The following REXO4 variants were observed in gnomAD, a reference collection of about 807,000 sequenced individuals.
REXO4 encodes RNA exonuclease 4, also known as REX4 homolog, 3'-5' exonuclease.
Under a neutral mutation model 39.9 loss-of-function variants are expected in REXO4, and 29 were observed. The ratio of observed to expected loss-of-function variants is 0.73; its 90% CI spans 0.54 to 0.99. REXO4 has a LOEUF of 0.99. Among genes scored for constraint, REXO4 ranks in the 50% least tolerant of loss-of-function variants. The pLI, the probability that REXO4 is intolerant of heterozygous loss-of-function variation, is 0.00. For synonymous variants in REXO4, 184 were observed against 206.2 expected (o/e 0.89, Z 0.92); for missense variants, 524 against 546.5 (o/e 0.96, Z 0.41).
chr9:133,408,934 T>TTG (rs71503345), intron 5 of REXO4, 92 bp from the exon 6 acceptor site: 11,946 of 317,468 alleles, frequency 0.038, 371 homozygotes, highest in African/African-American at 0.08. Flanking sequence ...AGTAACATCT[T>TTG]TGTGTGTGTG....
At chr9:133,407,722 CCATGTCTGTGTCAGGTGACT>C in intron 7 of REXO4, 65 bp downstream of exon 7, 2 of 1,042,718 alleles carry the variant, frequency 1.9e-6, no homozygotes. Context: ...CCCACCTCCC[CCATGTCTGTGTCAGGTGACT>C]CATGTCTGGT....
chr9:133,409,715 C>T (rs1187818235), intron 5 of REXO4, among the ~76,000 whole-genome samples: 1 of 152,156 alleles, frequency 6.6e-6, no homozygotes, highest in Non-Finnish European at 1.5e-5. Context: ...GCACACGCCA[C>T]CACACCTGGC....
At chr9:133,415,279 C>CT (rs748276629) in intron 1 of REXO4, among the ~76,000 whole-genome samples, 41 of 152,310 alleles carry the variant, frequency 2.7e-4, no homozygotes, top group Admixed American at 5.9e-4. Context: ...AAATGTCAAA[C>CT]TCATTCTACA....
At chr9:133,412,537 A>G in intron 3 of REXO4, 45 bp from the exon 4 acceptor site, 1 of 1,600,788 alleles carries the variant, frequency 6.2e-7, no homozygotes, top group Non-Finnish European at 8.5e-7. Context: ...ACGGCAGGCC[A>G]CAGGGCTCCA....
intron 2 of REXO4, chr9:133,414,293 T>G: frequency 4.7e-6 from 2 of 429,196 alleles, no homozygotes; most frequent in Non-Finnish European, 9.1e-6. Context: ...CCTCACAATC[T>G]CCTTATGATG....
rs1838874859 is a variant in REXO4 at position 133,406,341 on chromosome 9, C to T, written c.*612G>A. 1 of 152,878 alleles carries T rather than the reference C, an allele frequency of 6.5e-6. No individual in the cohort carries two copies. The highest frequency in any genetic ancestry group is 6.5e-5 in the Admixed American group (1 of 15,436). 9.5% of individuals were successfully genotyped at this position (152,878 alleles called of 1,614,324 possible). On this transcript the variant is annotated 3_prime_UTR_variant, in exon 8 of 8. Transcript: ENST00000371942. ...AGTCACCGTGCCCAGGCAACACATC[C>T]TCGTGCTATGGGGAGAAGCCTCTGC...
In REXO4 at chr9:133,406,652, G is replaced by T; in HGVS notation, c.*301C>A. On this transcript the variant is annotated 3_prime_UTR_variant, in exon 8 of 8. Transcript: ENST00000371942. ...GCACCGTATGGACTGGCGGCCCACAGGCCCCAACCTCACCTGGCCCAGGGG... is the reference window on the plus strand; with the variant it reads ...GCACCGTATGGACTGGCGGCCCACATGCCCCAACCTCACCTGGCCCAGGGG... 1 of 428,284 alleles carries T rather than the reference G, an allele frequency of 2.3e-6. No homozygotes were observed. The highest frequency in any genetic ancestry group is 4.4e-6 in the Non-Finnish European group (1 of 228,890). 26.5% of individuals were successfully genotyped at this position (428,284 alleles called of 1,614,324 possible). A position where few individuals can be genotyped will look rare whatever the true frequency, so the allele number is the denominator to read the frequency against.
chr9:133,411,780 G>A (rs587652065), intron 4 of REXO4, among the ~76,000 whole-genome samples: 1 of 152,054 alleles, frequency 6.6e-6, no homozygotes, highest in East Asian at 2.0e-4. Flanking sequence ...TACAAAATTA[G>A]TCGGGTGTGG....
chr9:133,414,518 C>T, intron 2 of REXO4, 147 bp downstream of exon 2: 1 of 787,354 alleles, frequency 1.3e-6, no homozygotes. Flanking sequence ...TAGGGGAAAA[C>T]AAGTAACAGC....
chr9:133,406,673 A>AG lies in REXO4; in HGVS notation c.*279dup, dbSNP rs1838893017. 15 of 462,574 alleles carry AG rather than the reference A, an allele frequency of 3.2e-5. No individual in the cohort carries two copies. The South Asian group carries it at 3.5e-4, about 11-fold the overall frequency. The allele number at this position is 462,574 out of a possible 1,614,324, so 28.7% of individuals were successfully genotyped here. A position where few individuals can be genotyped will look rare whatever the true frequency, so the allele number is the denominator to read the frequency against. Reference sequence around the variant, plus strand: ...CACAGGCCCCAACCTCACCTGGCCCAGGGGGTCAGCAGTCGGTAAAGCGTG... The same window carrying AG: ...CACAGGCCCCAACCTCACCTGGCCCAGGGGGGTCAGCAGTCGGTAAAGCGTG... On this transcript the variant is annotated 3_prime_UTR_variant, in exon 8 of 8. Coordinates refer to ENST00000371942, the MANE Select transcript of REXO4 (RefSeq NM_020385.4).
chr9:133,407,841 A>C lies in REXO4; in HGVS notation c.1115T>G (p.Leu372Arg). Residue 372 changes from leucine to arginine, a missense_variant, in exon 7 of 8, where the codon CTT (leucine) becomes CGT (arginine). Transcript: ENST00000371942. The part of the protein sequence containing the change: ...PSLRLLSEKI[L>R]GLQVQQAEHC... ...CTCCGCCTGCTGGACCTGGAGCCCAAGGATCTTCTCTGAAAGTAGTCTCAG... is the reference window on the plus strand; with the variant it reads ...CTCCGCCTGCTGGACCTGGAGCCCACGGATCTTCTCTGAAAGTAGTCTCAG... The C allele has an allele frequency of 6.2e-7, 1 of 1,614,008 alleles. No homozygotes were observed. The highest frequency in any genetic ancestry group is 8.5e-7 in the Non-Finnish European group (1 of 1,179,988).
chr9:133,417,546 C>G, intron 1 of REXO4, 74 bp downstream of exon 1: 1 of 1,502,054 alleles, frequency 6.7e-7, no homozygotes, highest in Non-Finnish European at 9.2e-7. Flanking sequence ...TTGGGGCTAC[C>G]CAAGTCTTTC....
rs1838874054 is a variant in REXO4, at chr9:133,406,332, C to T, written c.*621G>A. 6.6e-6 allele frequency: 1 copy of T among 152,654 alleles called. No individual in the cohort carries two copies. Among genetic ancestry groups the T allele is most frequent in the Non-Finnish European group, 1.5e-5 (1 of 68,310 alleles). The allele number at this position is 152,654 out of a possible 1,614,324, so 9.5% of individuals were successfully genotyped here. A position where few individuals can be genotyped will look rare whatever the true frequency, so the allele number is the denominator to read the frequency against. Reference sequence around the variant, plus strand: ...AATAACCGCAGTCACCGTGCCCAGGCAACACATCCTCGTGCTATGGGGAGA... The same window carrying T: ...AATAACCGCAGTCACCGTGCCCAGGTAACACATCCTCGTGCTATGGGGAGA... On this transcript the variant is annotated 3_prime_UTR_variant, in exon 8 of 8. Coordinates refer to ENST00000371942, the MANE Select transcript of REXO4 (RefSeq NM_020385.4).
chr9:133,408,078 C>T (rs962703097), intron 6 of REXO4, among the ~76,000 whole-genome samples, 197 bp from the exon 7 acceptor site: 1 of 152,094 alleles, frequency 6.6e-6, no homozygotes, highest in African/African-American at 2.4e-5. Flanking sequence ...GTGATACACC[C>T]CTATCAGCCA....
chr9:133,407,892 G>C lies in REXO4; in HGVS notation c.1075-11C>G, dbSNP rs1554779301. 6.2e-7 allele frequency: 1 copy of C among 1,611,276 alleles called. No individual in the cohort carries two copies. The highest frequency in any genetic ancestry group is 2.2e-5 in the East Asian group (1 of 44,834). On this transcript the variant is annotated splice_polypyrimidine_tract_variant and intron_variant, in intron 6 of 7. Transcript: ENST00000371942. ...AGACGGCCTTCCACTCTGCAAAGGGGGAAGAGGCGGGTGGGGGCCTCTGCA... is the reference window on the plus strand; with the variant it reads ...AGACGGCCTTCCACTCTGCAAAGGGCGAAGAGGCGGGTGGGGGCCTCTGCA...
At position 133,414,971 on chromosome 9, in the gene REXO4, A is replaced by G; in HGVS notation, c.266T>C (p.Leu89Pro). The G allele has an allele frequency of 3.7e-6, 6 of 1,601,836 alleles. No individual in the cohort carries two copies. Among genetic ancestry groups the G allele is most frequent in the Non-Finnish European group, 5.1e-6 (6 of 1,176,976 alleles). ...KQKSQAPEKP[L>P]VISQMGSKKK... ...TTTGGAACCCATCTGAGAGATGACA[A>G]GAGGCTTTTCTGGGGCCTGAGATTT... Residue 89 changes from leucine to proline, a missense_variant, in exon 2 of 8, where the codon CTT becomes CCT. By Grantham distance (98) the Leu-to-Pro change is moderately conservative. Coordinates refer to ENST00000371942, the MANE Select transcript of REXO4 (RefSeq NM_020385.4).
chr9:133,411,702 G>A (rs1360338604), intron 4 of REXO4, among the ~76,000 whole-genome samples: 2 of 152,080 alleles, frequency 1.3e-5, no homozygotes, highest in Non-Finnish European at 2.9e-5. Flanking sequence ...GGAGGCAGGC[G>A]GATCACCTGA....
intron 1 of REXO4, chr9:133,415,526 T>G (rs1009920003): frequency 6.5e-6 from 1 of 154,736 alleles, no homozygotes; most frequent in Admixed American, 6.4e-5. Flanking sequence ...GCTGAAGAAC[T>G]GCTAGCAGCC....
chr9:133,414,374 G>A, intron 2 of REXO4: 1 of 621,748 alleles, frequency 1.6e-6, no homozygotes, highest in Non-Finnish European at 3.0e-6. Flanking sequence ...GCGAGAAGCA[G>A]GGACAGGCCT....
Sources: allele counts gnomAD v4.1 joint callset (sites outside exome capture counted in the v4.1 genomes callset), GRCh38; gene constraint gnomAD v4.1.1; transcripts MANE v1.5; gene names NCBI Gene and HGNC (gene_info 2026-07-23, HGNC 2026-07-21).